Variants in ERBIN observed in about 807,000 individuals in gnomAD.
ERBIN encodes the protein densin-180-like protein.
In ERBIN, 60 loss-of-function variants were observed where a neutral mutation model predicts 158.4. The ratio of observed to expected loss-of-function variants is 0.38; its 90% CI spans 0.31 to 0.47. The LOEUF (loss-of-function observed/expected upper bound fraction) is 0.47. ERBIN is among the 20% of genes least tolerant of loss of function. The pLI, the probability that ERBIN is intolerant of heterozygous loss-of-function variation, is 0.99. For synonymous variants in ERBIN, 594 were observed against 557.2 expected, an observed-to-expected ratio of 1.07 and a Z score of -0.93; for missense variants, 1,610 against 1,648.0, an observed-to-expected ratio of 0.98 and a Z score of 0.40.
chr5:65,948,088 GTGT>G (rs1260530634), intron 1 of ERBIN, among the ~76,000 whole-genome samples: 2 of 151,920 alleles, frequency 1.3e-5, no homozygotes, highest in African/African-American at 2.4e-5. Flanking sequence ...TGAATGGACA[GTGT>G]TGTTGAGAAC....
chr5:65,957,523 C>A (rs573558082), intron 1 of ERBIN, among the ~76,000 whole-genome samples: 4 of 152,110 alleles, frequency 2.6e-5, no homozygotes, highest in Admixed American at 6.5e-5. Context: ...CAGAGAGCAC[C>A]GGGTTGGGGG....
chr5:65,934,133 T>C (rs1561261535), intron 1 of ERBIN, among the ~76,000 whole-genome samples: 1 of 152,178 alleles, frequency 6.6e-6, no homozygotes, highest in Non-Finnish European at 1.5e-5. Context: ...CCTGATGTCA[T>C]GATTTGCCTG....
rs753361353 is a variant in ERBIN at position 66,046,546 on chromosome 5, T to A, written c.1788+8T>A. 1.3e-6 allele frequency: 2 copies of A among 1,559,514 alleles called. No individual in the cohort carries two copies. The highest frequency in any genetic ancestry group is 4.5e-5 in the East Asian group (2 of 44,388). On this transcript the variant is annotated splice_region_variant and intron_variant, in intron 18 of 25. Coordinates refer to ENST00000284037, the MANE Select transcript of ERBIN (RefSeq NM_001253697.2). ...CATGATGATGTTTTTGAGGTATGAT[T>A]TTATGATTATTCTGGAGCAACTATA...
intron 10 of ERBIN, 80 bp downstream of exon 10, chr5:66,024,530 A>G (rs1273816449): frequency 2.9e-6 from 4 of 1,385,748 alleles, no homozygotes; most frequent in South Asian, 2.7e-5. Flanking sequence ...TTCACTTGTT[A>G]TGAGGTAGTT....
Position 66,023,291 on chromosome 5 carries a change from C to CT in ERBIN, c.600dup (p.Glu201Ter). 2 of 1,612,250 alleles carry CT rather than the reference C, an allele frequency of 1.2e-6. No homozygotes were observed. Among genetic ancestry groups the CT allele is most frequent in the Non-Finnish European group, 1.7e-6 (2 of 1,178,726 alleles). ...TATCCCCTACCCTAATCCCAACAGC[C>CT]TGAAGTACTTGAGCAACTAAGTGGA... On this transcript the variant is annotated frameshift_variant and splice_region_variant, in exon 9 of 26. Coordinates refer to ENST00000284037, the MANE Select transcript of ERBIN (RefSeq NM_001253697.2). LOFTEE classifies it high-confidence loss of function.
intron 21 of ERBIN, among the ~76,000 whole-genome samples, chr5:66,063,283 C>T (rs1760633166): frequency 6.6e-6 from 1 of 152,218 alleles, no homozygotes; most frequent in Non-Finnish European, 1.5e-5. Context: ...GCAGTTTGAT[C>T]TCAGACTGCT....
At chr5:66,055,323 A>G (rs1382904935) in intron 21 of ERBIN, among the ~76,000 whole-genome samples, 1 of 152,212 alleles carries the variant, frequency 6.6e-6, no homozygotes, top group Non-Finnish European at 1.5e-5. Flanking sequence ...TATAGTTAAG[A>G]CAATAACAAA....
At chr5:65,991,965 C>G (rs1751912045) in intron 2 of ERBIN, among the ~76,000 whole-genome samples, 1 of 152,136 alleles carries the variant, frequency 6.6e-6, no homozygotes. Flanking sequence ...GGTGGTTGAT[C>G]CCTGATGGCT....
intron 1 of ERBIN, among the ~76,000 whole-genome samples, chr5:65,960,427 C>T (rs543724327): frequency 2.3e-4 from 35 of 152,306 alleles, no homozygotes; most frequent in African/African-American, 8.4e-4. Flanking sequence ...GAGAGTTGTA[C>T]ACCTAAGACC....
chr5:65,938,254 A>G (rs571642085), intron 1 of ERBIN, among the ~76,000 whole-genome samples: 1 of 152,094 alleles, frequency 6.6e-6, no homozygotes, highest in African/African-American at 2.4e-5. Flanking sequence ...GAAGCAATTG[A>G]GTTTCATGTT....
At chr5:66,069,336 C>A (rs1761323754) in intron 21 of ERBIN, among the ~76,000 whole-genome samples, 1 of 152,116 alleles carries the variant, frequency 6.6e-6, no homozygotes, top group South Asian at 2.1e-4. Context: ...CTTTTCTATT[C>A]CTAAGGATTT....
intron 14 of ERBIN, among the ~76,000 whole-genome samples, chr5:66,033,354 A>ATGCAT (rs1757079546): frequency 6.6e-6 from 1 of 152,194 alleles, no homozygotes; most frequent in African/African-American, 2.4e-5. Flanking sequence ...AATGTTAGTG[A>ATGCAT]TGCATGATGA....
intron 4 of ERBIN, among the ~76,000 whole-genome samples, chr5:66,004,754 A>G (rs1326968515): frequency 2.6e-5 from 4 of 152,174 alleles, no homozygotes; most frequent in African/African-American, 9.7e-5. Context: ...GAGAGTAGGT[A>G]ACACAGTTGT....
At chr5:66,014,747 TA>T (rs1754536762) in intron 7 of ERBIN, 22 bp downstream of exon 7, 6 of 1,190,334 alleles carry the variant, frequency 5.0e-6, no homozygotes, top group Admixed American at 2.7e-5. Context: ...TGCTATTCTT[TA>T]AAAAACTTAA....
Position 66,080,977 on chromosome 5 carries a change from G to T in ERBIN, c.*2447G>T, listed in dbSNP as rs1427324387. The T allele has an allele frequency of 2.0e-5, 3 of 151,960 alleles. No individual in the cohort carries two copies. The highest frequency in any genetic ancestry group is 2.0e-4 in the Admixed American group (3 of 15,270). The allele number at this position is 151,960 out of a possible 1,614,324, so 9.4% of individuals were successfully genotyped here. A position where few individuals can be genotyped will look rare whatever the true frequency, so the allele number is the denominator to read the frequency against. ...AAGGACTTTGAATTAGAATTTTGCT[G>T]TAATAAAGTTTCAAAATTTGAATAA... is the stretch of plus-strand genomic sequence containing the variant. On this transcript the variant is annotated 3_prime_UTR_variant, in exon 26 of 26. Coordinates refer to ENST00000284037, the MANE Select transcript of ERBIN (RefSeq NM_001253697.2).
intron 4 of ERBIN, among the ~76,000 whole-genome samples, chr5:65,998,114 C>T (rs1390486530): frequency 6.6e-6 from 1 of 151,760 alleles, no homozygotes; most frequent in Non-Finnish European, 1.5e-5. Flanking sequence ...GTAGTCCCAG[C>T]TAGTCAGGAG....
chr5:65,988,219 T>A (rs1459062546), intron 1 of ERBIN, among the ~76,000 whole-genome samples: 2 of 152,080 alleles, frequency 1.3e-5, no homozygotes, highest in South Asian at 2.1e-4. Flanking sequence ...AAAGTTTTTT[T>A]AAAATTAGCT....
chr5:66,054,821 G>C lies in ERBIN; in HGVS notation c.3503G>C (p.Ser1168Thr), dbSNP rs1322535564. 4 of 1,614,112 alleles carry C rather than the reference G, an allele frequency of 2.5e-6. No individual in the cohort carries two copies. The highest frequency in any genetic ancestry group is 3.4e-6 in the Non-Finnish European group (4 of 1,180,004). The change falls in exon 21 of 26, where the codon AGT (serine) becomes ACT (threonine). Residue 1168 changes from serine (S) to threonine (T), a missense_variant. By Grantham distance (58) the Ser-to-Thr change is moderately conservative. This residue lies in a region of ERBIN where 1,014 missense variants were observed against 936.1 expected (regional missense o/e 1.08). Transcript: ENST00000284037. ...SVSDFNYSRT[S>T]PSKRPNARVG... ...AGTGATTTCAATTATTCACGGACTAGTCCTTCAAAAAGACCAAATGCAAGG... is the reference window on the plus strand; with the variant it reads ...AGTGATTTCAATTATTCACGGACTACTCCTTCAAAAAGACCAAATGCAAGG...
intron 16 of ERBIN, 124 bp from the exon 17 acceptor site, chr5:66,044,013 T>A: frequency 1.7e-6 from 1 of 580,322 alleles, no homozygotes; most frequent in Non-Finnish European, 2.7e-6. Context: ...CTATCATCTG[T>A]CTTCACAGTT....
Sources: allele counts gnomAD v4.1 joint callset (sites outside exome capture counted in the v4.1 genomes callset), GRCh38; gene constraint gnomAD v4.1.1; regional missense constraint gnomAD v4.1.1; transcripts MANE v1.5; gene names NCBI Gene and HGNC (gene_info 2026-07-23, HGNC 2026-07-21).